Variants in AP3S1 observed in about 807,000 individuals in gnomAD.
AP3S1 encodes the protein AP-3 complex subunit sigma-1.
AP3S1 carries 12 observed loss-of-function variants against 21.3 expected under a neutral mutation model. The observed-to-expected ratio is 0.56, with a 90% CI of 0.36 to 0.91. AP3S1 has a LOEUF of 0.91. AP3S1 is among the 40% of genes least tolerant of loss of function. The probability of loss-of-function intolerance (pLI) is 0.01; values close to 1 mark genes in which losing one functional copy is unlikely to be tolerated. For synonymous variants in AP3S1, 48 were observed against 78.4 expected, an observed-to-expected ratio of 0.61 and a Z score of 2.05; for missense variants, 116 against 225.0, an observed-to-expected ratio of 0.52 and a Z score of 3.10.
At chr5:115,906,780 A>G in intron 5 of AP3S1, 1 of 1,426,664 alleles carries the variant, frequency 7.0e-7, no homozygotes, top group Non-Finnish European at 9.3e-7. Context: ...TTTTCCGAAC[A>G]TCCTGATCTT....
intron 1 of AP3S1, among the ~76,000 whole-genome samples, chr5:115,847,407 C>T (rs1031483536): frequency 2.0e-5 from 3 of 152,118 alleles, no homozygotes; most frequent in African/African-American, 4.8e-5. Context: ...TGTTTGAGCC[C>T]AGGAGTTCAA....
intron 3 of AP3S1, among the ~76,000 whole-genome samples, chr5:115,871,736 T>G (rs1436518821): frequency 1.3e-5 from 2 of 152,150 alleles, no homozygotes; most frequent in African/African-American, 4.8e-5. Flanking sequence ...TAATGATCCC[T>G]TAGCTCATTG....
At chr5:115,846,592 C>A (rs1381887019) in intron 1 of AP3S1, among the ~76,000 whole-genome samples, 1 of 142,820 alleles carries the variant, frequency 7.0e-6, no homozygotes, top group East Asian at 2.1e-4. Flanking sequence ...CATAAAAATA[C>A]AAAGTGTTGA....
At chr5:115,912,188 A>G (rs901520038) in intron 5 of AP3S1, 1 of 151,998 alleles carries the variant, frequency 6.6e-6, no homozygotes, top group Admixed American at 6.5e-5. Flanking sequence ...AGGATTACAT[A>G]AGAAAAGAAA....
intron 1 of AP3S1, among the ~76,000 whole-genome samples, chr5:115,854,134 C>T (rs557582171): frequency 6.6e-6 from 1 of 152,246 alleles, no homozygotes; most frequent in African/African-American, 2.4e-5. Flanking sequence ...TGATAACCCA[C>T]TCCTGTAATA....
chr5:115,877,710 A>T (rs1748860731), intron 3 of AP3S1, among the ~76,000 whole-genome samples: 2 of 152,234 alleles, frequency 1.3e-5, no homozygotes, highest in African/African-American at 4.8e-5. Flanking sequence ...CTTTGGGTAT[A>T]TACCCAGTAA....
intron 3 of AP3S1, among the ~76,000 whole-genome samples, chr5:115,884,115 A>C (rs1190255141): frequency 6.6e-6 from 1 of 152,104 alleles, no homozygotes; most frequent in African/African-American, 2.4e-5. Flanking sequence ...GGTTGCTGAG[A>C]TCTATTAATG....
intron 5 of AP3S1, among the ~76,000 whole-genome samples, chr5:115,904,857 T>C (rs1323013658): frequency 6.6e-6 from 1 of 152,222 alleles, no homozygotes; most frequent in Non-Finnish European, 1.5e-5. Flanking sequence ...CAAACAGTGA[T>C]GCAATCCTTT....
At chr5:115,878,920 G>A (rs998752800) in intron 3 of AP3S1, among the ~76,000 whole-genome samples, 1 of 152,070 alleles carries the variant, frequency 6.6e-6, no homozygotes, top group African/African-American at 2.4e-5. Context: ...CACATCCCTT[G>A]TAAGTTGTAT....
At chr5:115,864,953 T>C (rs967483466) in intron 1 of AP3S1, among the ~76,000 whole-genome samples, 25 of 152,180 alleles carry the variant, frequency 1.6e-4, no homozygotes, top group African/African-American at 5.8e-4. Context: ...CCTTCTGTAA[T>C]ATGATGCTAA....
chr5:115,896,641 T>C (rs762919917), intron 4 of AP3S1, among the ~76,000 whole-genome samples: 2 of 152,106 alleles, frequency 1.3e-5, no homozygotes, highest in Admixed American at 1.3e-4. Context: ...TAGCCAGGTG[T>C]GGTGTTATGC....
At chr5:115,897,111 T>C (rs1305110206) in intron 4 of AP3S1, among the ~76,000 whole-genome samples, 2 of 152,206 alleles carry the variant, frequency 1.3e-5, no homozygotes, top group African/African-American at 2.4e-5. Context: ...TATGTGAAAA[T>C]CATCCCTATC....
rs952773074 is a variant in AP3S1, at chr5:115,841,954, A to G, written c.-84A>G. 188 of 1,528,654 alleles carry G rather than the reference A, an allele frequency of 1.2e-4. No individual in the cohort carries two copies. Among genetic ancestry groups the G allele is most frequent in the Non-Finnish European group, 8.6e-5 (98 of 1,136,528 alleles). The allele number at this position is 1,528,654 out of a possible 1,614,324, so 94.7% of individuals were successfully genotyped here. A position where few individuals can be genotyped will look rare whatever the true frequency, so the allele number is the denominator to read the frequency against. ...TGCGGGAGGGGGCGGGTGGGGAAGGATCGCAGGCGAGATTACGAGGCGAGG... is the reference window on the plus strand; with the variant it reads ...TGCGGGAGGGGGCGGGTGGGGAAGGGTCGCAGGCGAGATTACGAGGCGAGG... On this transcript the variant is annotated 5_prime_UTR_variant, in exon 1 of 6. Transcript: ENST00000316788.
At chr5:115,864,186 C>T (rs1020240639) in intron 1 of AP3S1, among the ~76,000 whole-genome samples, 3 of 152,206 alleles carry the variant, frequency 2.0e-5, no homozygotes, top group African/African-American at 7.2e-5. Flanking sequence ...AAAAGATAAA[C>T]ACCAGCTGCT....
intron 1 of AP3S1, among the ~76,000 whole-genome samples, chr5:115,857,053 G>A (rs76972938): frequency 2.0e-5 from 3 of 152,248 alleles, no homozygotes; most frequent in African/African-American, 7.2e-5. Context: ...AAGATTCCAA[G>A]TGGCAGCAGT....
At chr5:115,870,644 G>A (rs1296350820) in intron 3 of AP3S1, among the ~76,000 whole-genome samples, 1 of 152,120 alleles carries the variant, frequency 6.6e-6, no homozygotes, top group African/African-American at 2.4e-5. Flanking sequence ...TGTAATCTTA[G>A]CTTCTCATTG....
At chr5:115,912,663 TA>T (rs1241213642) in intron 5 of AP3S1, among the ~76,000 whole-genome samples, 2 of 152,058 alleles carry the variant, frequency 1.3e-5, no homozygotes, top group Non-Finnish European at 2.9e-5. Context: ...GAATCTATGC[TA>T]TATGACAAAA....
chr5:115,886,342 C>T (rs1394496054), intron 3 of AP3S1, among the ~76,000 whole-genome samples: 1 of 152,002 alleles, frequency 6.6e-6, no homozygotes. Flanking sequence ...TCGTGCCTCC[C>T]ATTCCACCTC....
chr5:115,863,341 G>A (rs1408803224), intron 1 of AP3S1, among the ~76,000 whole-genome samples: 2 of 151,872 alleles, frequency 1.3e-5, no homozygotes, highest in Non-Finnish European at 2.9e-5. Flanking sequence ...AGGTTGCAGT[G>A]AGCGAGATCA....
Sources: gnomAD v4.1 joint callset for allele counts (sites outside exome capture counted in the v4.1 genomes callset) on GRCh38, gnomAD v4.1.1 for gene constraint, MANE v1.5 for transcripts, NCBI Gene and HGNC (gene_info 2026-07-23, HGNC 2026-07-21) for gene names.